XYLT1: variants seen among roughly 807,000 people sequenced by gnomAD.
The protein encoded by XYLT1 is beta-D-xylosyltransferase 1.
A neutral mutation model predicts 91.3 loss-of-function variants in XYLT1; 36 were observed. That is an observed-to-expected ratio of 0.39 (90% CI 0.30 to 0.52). The LOEUF (loss-of-function observed/expected upper bound fraction) is 0.52, where lower values mean the gene tolerates loss of function less well. Ranked by LOEUF, XYLT1 falls within the 20% of genes least tolerant of loss-of-function variation. XYLT1 has a pLI of 0.68. For synonymous variants in XYLT1, 588 were observed against 532.0 expected, an observed-to-expected ratio of 1.11 and a Z score of -1.45; for missense variants, 1,242 against 1,284.5, an observed-to-expected ratio of 0.97 and a Z score of 0.51.
At chr16:17,292,941 C>G (rs1279380947) in intron 2 of XYLT1, among the ~76,000 whole-genome samples, 1 of 152,142 alleles carries the variant, frequency 6.6e-6, no homozygotes, top group Non-Finnish European at 1.5e-5. Flanking sequence ...GTGTGGGAGC[C>G]TCAGGAACCA....
At chr16:17,163,759 C>A (rs2031605841) in intron 5 of XYLT1, among the ~76,000 whole-genome samples, 1 of 152,144 alleles carries the variant, frequency 6.6e-6, no homozygotes, top group Non-Finnish European at 1.5e-5. Flanking sequence ...CAGAAACACA[C>A]ATGAAAGACT....
chr16:17,292,493 T>A (rs2034245162), intron 2 of XYLT1, among the ~76,000 whole-genome samples: 1 of 152,222 alleles, frequency 6.6e-6, no homozygotes, highest in African/African-American at 2.4e-5. Context: ...GTATCCAAAA[T>A]GACCTGCTGT....
chr16:17,199,005 A>G (rs2032484048), intron 4 of XYLT1, among the ~76,000 whole-genome samples: 1 of 152,172 alleles, frequency 6.6e-6, no homozygotes. Context: ...TGGTCTCCCA[A>G]AGTGCTGGGA....
At chr16:17,134,405 C>CCACTCT in intron 9 of XYLT1, 68 bp downstream of exon 9, 1 of 1,577,446 alleles carries the variant, frequency 6.3e-7, no homozygotes, top group Non-Finnish European at 8.6e-7. Context: ...AGAAGGACCC[C>CCACTCT]CACTCTGTAC....
At chr16:17,328,441 C>T (rs896844964) in intron 2 of XYLT1, among the ~76,000 whole-genome samples, 2 of 147,068 alleles carry the variant, frequency 1.4e-5, no homozygotes, top group South Asian at 2.2e-4. Flanking sequence ...CCCAGATACT[C>T]GGGAGGCTGA....
chr16:17,330,117 A>C (rs2034872262), intron 2 of XYLT1, among the ~76,000 whole-genome samples: 1 of 151,786 alleles, frequency 6.6e-6, no homozygotes, highest in Non-Finnish European at 1.5e-5. Flanking sequence ...ACACACACAC[A>C]CACACACACA....
At chr16:17,138,021 G>GAAAAGGGAATAAAGAGAAGATGATATGA (rs1291041855) in intron 8 of XYLT1, among the ~76,000 whole-genome samples, 35 of 140,870 alleles carry the variant, frequency 2.5e-4, no homozygotes, top group Non-Finnish European at 4.4e-4. Context: ...AGATTCTGAT[G>GAAAAGGGAATAAAGAGAAGATGATATGA]AAAAGGGAAT....
At chr16:17,179,476 C>T (rs1310402687) in intron 5 of XYLT1, among the ~76,000 whole-genome samples, 4 of 152,224 alleles carry the variant, frequency 2.6e-5, no homozygotes, top group Non-Finnish European at 4.4e-5. Context: ...TCCGTCTAAT[C>T]GAAGTGTCTT....
intron 1 of XYLT1, among the ~76,000 whole-genome samples, chr16:17,431,047 G>A (rs962608598): frequency 1.3e-5 from 2 of 152,164 alleles, no homozygotes; most frequent in Non-Finnish European, 2.9e-5. Flanking sequence ...AGGTGGGCAA[G>A]CATTTTCTGT....
intron 3 of XYLT1, among the ~76,000 whole-genome samples, chr16:17,232,123 T>G (rs2033165906): frequency 6.9e-6 from 1 of 144,754 alleles, no homozygotes; most frequent in South Asian, 2.1e-4. Context: ...ATTATATATA[T>G]TATAATATAT....
intron 5 of XYLT1, among the ~76,000 whole-genome samples, chr16:17,196,111 C>G (rs1381395152): frequency 6.6e-6 from 1 of 152,156 alleles, no homozygotes; most frequent in Non-Finnish European, 1.5e-5. Context: ...GATTGTGCCT[C>G]CCCAGTACCT....
intron 2 of XYLT1, among the ~76,000 whole-genome samples, chr16:17,311,871 T>A (rs140271899): frequency 0.019 from 2,807 of 148,488 alleles, 46 homozygotes; most frequent in Non-Finnish European, 0.031. Flanking sequence ...AAAAGGGGTT[T>A]CCCCTTATAA....
intron 1 of XYLT1, among the ~76,000 whole-genome samples, chr16:17,461,989 C>A (rs1239737874): frequency 6.6e-6 from 1 of 152,180 alleles, no homozygotes; most frequent in African/African-American, 2.4e-5. Flanking sequence ...ACCTCATCAT[C>A]ACCATAGTTG....
chr16:17,323,301 G>GACTAAAACAATT, intron 2 of XYLT1, among the ~76,000 whole-genome samples: 1 of 152,338 alleles, frequency 6.6e-6, no homozygotes, highest in Non-Finnish European at 1.5e-5. Flanking sequence ...GCTAATCACG[G>GACTAAAACAATT]AGATTAGACT....
intron 3 of XYLT1, among the ~76,000 whole-genome samples, chr16:17,204,196 G>C (rs959184945): frequency 1.3e-5 from 2 of 152,172 alleles, no homozygotes; most frequent in Non-Finnish European, 2.9e-5. Context: ...CTCTATGCTG[G>C]TCTTTAAAAA....
At chr16:17,213,388 T>C (rs2032798074) in intron 3 of XYLT1, among the ~76,000 whole-genome samples, 1 of 152,174 alleles carries the variant, frequency 6.6e-6, no homozygotes, top group Non-Finnish European at 1.5e-5. Flanking sequence ...TTTATAGCAA[T>C]GGGAGAATGA....
chr16:17,387,238 T>C (rs1273227369), intron 1 of XYLT1, among the ~76,000 whole-genome samples: 1 of 152,194 alleles, frequency 6.6e-6, no homozygotes, highest in Non-Finnish European at 1.5e-5. Flanking sequence ...CAATGTGTCC[T>C]AGGCCACTCT....
rs1229621447 is a variant in XYLT1 at position 17,102,738 on chromosome 16, TTC to T, written c.*5955_*5956del. ...CATATTTCAGCGTGTGCCATTTGAA[TTC>T]TTTTTTTAAAACTTTATTTACAGAT... is the stretch of plus-strand genomic sequence containing the variant. On this transcript the variant is annotated 3_prime_UTR_variant, in exon 12 of 12. Coordinates refer to ENST00000261381, the MANE Select transcript of XYLT1 (RefSeq NM_022166.4). 1 of 143,296 alleles carries T rather than the reference TTC, an allele frequency of 7.0e-6. No individual in the cohort carries two copies. Among genetic ancestry groups the T allele is most frequent in the African/African-American group, 2.8e-5 (1 of 35,954 alleles). The allele number at this position is 143,296 out of a possible 1,614,324, so 8.9% of individuals were successfully genotyped here.
In XYLT1 at chr16:17,108,257, T is replaced by G; in HGVS notation, c.*438A>C. The G allele has an allele frequency of 1.3e-5, 2 of 157,464 alleles. No homozygotes were observed. Among genetic ancestry groups the G allele is most frequent in the Admixed American group, 6.5e-5 (1 of 15,418 alleles). The allele number at this position is 157,464 out of a possible 1,614,324, so 9.8% of individuals were successfully genotyped here. On this transcript the variant is annotated 3_prime_UTR_variant, in exon 12 of 12. Coordinates refer to ENST00000261381, the MANE Select transcript of XYLT1 (RefSeq NM_022166.4). The stretch of plus-strand genomic sequence containing the variant: ...AGGGGACCGCCCAGAGGGCTGAGCT[T>G]TGGGAGGGAACCTCGCACTTGTCAG...
Sources: allele counts gnomAD v4.1 joint callset (sites outside exome capture counted in the v4.1 genomes callset), GRCh38; gene constraint gnomAD v4.1.1; transcripts MANE v1.5; gene names NCBI Gene and HGNC (gene_info 2026-07-23, HGNC 2026-07-21).